The following KIAA1328 variants were observed in gnomAD, a reference collection of about 807,000 sequenced individuals.
KIAA1328 encodes KIAA1328.
KIAA1328 carries 52 observed loss-of-function variants against 68.1 expected under a neutral mutation model. The observed-to-expected ratio is 0.76, with a 90% CI of 0.61 to 0.96. The LOEUF (loss-of-function observed/expected upper bound fraction) is 0.96, where lower values mean the gene tolerates loss of function less well. KIAA1328 is among the 40% of genes least tolerant of loss of function. KIAA1328 has a pLI of 0.00. For missense variants in KIAA1328, 641 were observed against 677.6 expected (o/e 0.95, Z 0.60); for synonymous variants, 232 against 239.4 (o/e 0.97, Z 0.28).
At chr18:37,145,161 C>T (rs143700534) in intron 7 of KIAA1328, among the ~76,000 whole-genome samples, 401 of 151,990 alleles carry the variant, frequency 2.6e-3, no homozygotes, top group Non-Finnish European at 4.5e-3. Flanking sequence ...GCCATGATCG[C>T]ACCACTGCAT....
intron 5 of KIAA1328, among the ~76,000 whole-genome samples, chr18:36,956,516 G>A (rs2051422704): frequency 6.8e-6 from 1 of 147,960 alleles, no homozygotes; most frequent in Admixed American, 6.7e-5. Flanking sequence ...GAAGATTGAA[G>A]TCTCATTGTG....
At chr18:37,080,356 T>G (rs562867409) in intron 7 of KIAA1328, among the ~76,000 whole-genome samples, 83 of 152,320 alleles carry the variant, frequency 5.4e-4, no homozygotes, top group Non-Finnish European at 9.9e-4. Flanking sequence ...GCTTTCTGGC[T>G]TTAGGAGCCC....
At chr18:37,029,608 G>A (rs1190731433) in intron 6 of KIAA1328, among the ~76,000 whole-genome samples, 1 of 152,128 alleles carries the variant, frequency 6.6e-6, no homozygotes, top group African/African-American at 2.4e-5. Flanking sequence ...ATTGTTTTAT[G>A]TCTGAGTGTG....
chr18:37,231,849 G>A (rs552587351), downstream of KIAA1328: 1 of 152,516 alleles, frequency 6.6e-6, no homozygotes, highest in African/African-American at 2.4e-5. Flanking sequence ...CATTCTTTGA[G>A]TGCTGAGATT....
chr18:36,877,969 G>A (rs971764650), intron 4 of KIAA1328, among the ~76,000 whole-genome samples: 1 of 152,066 alleles, frequency 6.6e-6, no homozygotes, highest in African/African-American at 2.4e-5. Context: ...ACCCGGCCCA[G>A]TCTGTGTCTT....
At chr18:36,987,342 G>A (rs1287095880) in intron 6 of KIAA1328, among the ~76,000 whole-genome samples, 7 of 145,518 alleles carry the variant, frequency 4.8e-5, no homozygotes, top group African/African-American at 7.5e-5. Flanking sequence ...TGGTGGGGTC[G>A]GGGGATGGGG....
chr18:37,126,131 T>C (rs2058384156), intron 7 of KIAA1328, among the ~76,000 whole-genome samples: 1 of 152,220 alleles, frequency 6.6e-6, no homozygotes, highest in Non-Finnish European at 1.5e-5. Context: ...TGCAAACTTA[T>C]TAAAATGATT....
chr18:37,115,793 G>C lies in KIAA1328; in HGVS notation c.1233-44407G>C, dbSNP rs1323418048. Among the ~76,000 whole-genome samples, 7 of 152,166 alleles carry C rather than the reference G, an allele frequency of 4.6e-5. No individual in the cohort carries two copies. The East Asian group carries it at 9.6e-4, about 21-fold the overall frequency. The stretch of plus-strand genomic sequence containing the variant: ...TCGTCTCAGCCCAAAATCTCCTTAA[G>C]CTGATAAGCAATTTCAGCAAAGTCT... On this transcript the variant is annotated intron_variant, in intron 7 of 9. Coordinates refer to ENST00000280020, the MANE Select transcript of KIAA1328 (RefSeq NM_020776.3).
chr18:37,017,573 C>T (rs77233748), intron 6 of KIAA1328, among the ~76,000 whole-genome samples: 1,839 of 152,194 alleles, frequency 0.012, 25 homozygotes, highest in Non-Finnish European at 0.015. Context: ...TTGAAGTCCT[C>T]CAATACTATT....
rs1448883090 is a variant in KIAA1328, at chr18:37,067,325, T to G, written c.1012T>G (p.Cys338Gly). 1 of 1,614,016 alleles carries G rather than the reference T, an allele frequency of 6.2e-7. No homozygotes were observed. Among genetic ancestry groups the G allele is most frequent in the Non-Finnish European group, 8.5e-7 (1 of 1,179,884 alleles). Reference sequence around the variant, plus strand: ...GACACATCCAGAATCATGCAGTTATTGTCGGCTTTCTTGGGCATCTCTGGT... The same window carrying G: ...GACACATCCAGAATCATGCAGTTATGGTCGGCTTTCTTGGGCATCTCTGGT... ...PKTHPESCSY[C>G]RLSWASLVHG... The change falls in exon 7 of 10, where the codon TGT (cysteine) becomes GGT (glycine). Residue 338 changes from cysteine (C) to glycine (G), a missense_variant. By Grantham distance (159) the Cys-to-Gly change is radical. Transcript: ENST00000280020.
intron 7 of KIAA1328, among the ~76,000 whole-genome samples, chr18:37,105,766 A>G (rs183709861): frequency 2.6e-4 from 39 of 151,546 alleles, no homozygotes; most frequent in African/African-American, 9.2e-4. Context: ...AAAATACAAA[A>G]ATTAACTTGG....
At chr18:37,097,682 A>C (rs2057455904) in intron 7 of KIAA1328, among the ~76,000 whole-genome samples, 1 of 152,106 alleles carries the variant, frequency 6.6e-6, no homozygotes, top group Admixed American at 6.6e-5. Context: ...CCATTTTCAC[A>C]ATATTGATTC....
chr18:37,136,824 G>A (rs2058656550), intron 7 of KIAA1328, among the ~76,000 whole-genome samples: 1 of 152,204 alleles, frequency 6.6e-6, no homozygotes, highest in Admixed American at 6.5e-5. Context: ...GACATTAACT[G>A]ACTTAAAGAG....
chr18:37,038,797 A>G (rs1340038070), intron 6 of KIAA1328, among the ~76,000 whole-genome samples: 2 of 152,152 alleles, frequency 1.3e-5, no homozygotes, highest in Non-Finnish European at 2.9e-5. Flanking sequence ...GAGGAAAAGC[A>G]TTGTCTTTTA....
intron 6 of KIAA1328, among the ~76,000 whole-genome samples, chr18:37,054,964 G>A (rs1216263050): frequency 6.6e-6 from 1 of 152,134 alleles, no homozygotes; most frequent in African/African-American, 2.4e-5. Context: ...TTTATTGTGT[G>A]CCTTCTGTGT....
rs2051161406 is a variant in KIAA1328 at position 36,951,551 on chromosome 18, A to G, written c.449-7757A>G. Among the ~76,000 whole-genome samples, 3 of 152,196 alleles carry G rather than the reference A, an allele frequency of 2.0e-5. No individual in the cohort carries two copies. The South Asian group carries it at 6.2e-4, about 31-fold the overall frequency. On this transcript the variant is annotated intron_variant, in intron 5 of 9. Coordinates refer to ENST00000280020, the MANE Select transcript of KIAA1328 (RefSeq NM_020776.3). ...GTCTTCAGCCACCACATATAAAGTG[A>G]TTAACTCCCAAATGTCTATTTCTAC... is the stretch of plus-strand genomic sequence containing the variant.
In KIAA1328 at chr18:37,195,063, G is replaced by A. The variant is rs568477652; in HGVS notation, c.1523+21982G>A. On this transcript the variant is annotated intron_variant, in intron 9 of 9. Transcript: ENST00000280020. ...TATAAGGATCAAATCAGCGTCACTGGGATATCCATTACCTCAAACATTTAT... is the reference window on the plus strand; with the variant it reads ...TATAAGGATCAAATCAGCGTCACTGAGATATCCATTACCTCAAACATTTAT... Among the ~76,000 whole-genome samples the A allele has an allele frequency of 3.3e-5, 5 of 152,218 alleles. No homozygotes were observed. In the East Asian group the frequency reaches 9.6e-4, roughly 29 times the overall value.
chr18:36,996,944 C>A (rs2053414901), intron 6 of KIAA1328, among the ~76,000 whole-genome samples: 1 of 152,014 alleles, frequency 6.6e-6, no homozygotes, highest in South Asian at 2.1e-4. Flanking sequence ...GGTGGACGTG[C>A]GCATTGGATT....
chr18:37,175,410 A>G (rs1599511311), intron 9 of KIAA1328, among the ~76,000 whole-genome samples: 1 of 152,174 alleles, frequency 6.6e-6, no homozygotes, highest in Non-Finnish European at 1.5e-5. Flanking sequence ...GAAGAGTCAT[A>G]TTTACAGACT....
Sources: gnomAD v4.1 joint callset for allele counts (sites outside exome capture counted in the v4.1 genomes callset) on GRCh38, gnomAD v4.1.1 for gene constraint, MANE v1.5 for transcripts, NCBI Gene and HGNC (gene_info 2026-07-23, HGNC 2026-07-21) for gene names.